FBXO34: variants seen among roughly 807,000 people sequenced by gnomAD.
The protein encoded by FBXO34 is F-box protein 34, also known as F-box only protein 34.
FBXO34 carries 12 observed loss-of-function variants against 24.5 expected under a neutral mutation model. The ratio of observed to expected loss-of-function variants is 0.49; its 90% confidence interval spans 0.31 to 0.79. The LOEUF is 0.79. Ranked by LOEUF, FBXO34 falls within the 30% of genes least tolerant of loss-of-function variation. FBXO34 has a pLI of 0.04. For missense variants in FBXO34, 823 were observed against 857.7 expected, an observed-to-expected ratio of 0.96 and a Z score of 0.51; for synonymous variants, 320 against 311.9, an observed-to-expected ratio of 1.03 and a Z score of -0.27.
the FBXO34 span, chr14:55,381,864 C>G: frequency 1.0e-6 from 1 of 971,890 alleles, no homozygotes; most frequent in South Asian, 1.5e-5. Context: ...GTACTAAATG[C>G]CCCTGAATGG....
At chr14:55,304,366 GA>G (rs1882466687) in intron 1 of FBXO34, among the ~76,000 whole-genome samples, 1 of 151,760 alleles carries the variant, frequency 6.6e-6, no homozygotes, top group Non-Finnish European at 1.5e-5. Flanking sequence ...TAATTTTTAA[GA>G]TTTTTTTGTA....
chr14:55,331,560 T>TAC (rs1555338486), intron 1 of FBXO34, among the ~76,000 whole-genome samples: 8,355 of 142,634 alleles, frequency 0.059, 323 homozygotes, highest in South Asian at 0.09. Context: ...TATATATATA[T>TAC]ACACACACAC....
chr14:55,388,997 G>A, the FBXO34 span, among the ~76,000 whole-genome samples: 3 of 152,170 alleles, frequency 2.0e-5, no homozygotes, highest in East Asian at 3.9e-4. Context: ...GTTCAAGCAT[G>A]TGATCATTTT....
At chr14:55,331,853 C>T in intron 1 of FBXO34, among the ~76,000 whole-genome samples, 1 of 35,998 alleles carries the variant, frequency 2.8e-5, no homozygotes, top group Non-Finnish European at 4.8e-5. Flanking sequence ...ATATATACAC[C>T]ACCGGGGTGT....
At chr14:55,377,970 C>T in the FBXO34 span, 1 of 1,600,590 alleles carries the variant, frequency 6.2e-7, no homozygotes, top group South Asian at 1.1e-5. Context: ...TAGTTCACAA[C>T]CTATTTTTCA....
intron 1 of FBXO34, among the ~76,000 whole-genome samples, chr14:55,329,153 T>TTTCTTTTTTTTTTTTTTTTTGAGACGG (rs1555338353): frequency 6.7e-6 from 1 of 149,632 alleles, no homozygotes; most frequent in African/African-American, 2.4e-5. Context: ...GGTTTATTTC[T>TTTCTTTTTTTTTTTTTTTTTGAGACGG]AAAATTCATG....
At chr14:55,365,375 T>C (rs1261397261), downstream of FBXO34, among the ~76,000 whole-genome samples, 1 of 151,970 alleles carries the variant, frequency 6.6e-6, no homozygotes, top group Non-Finnish European at 1.5e-5. Context: ...CTAAAAAAAA[T>C]TCACTTCAAC....
chr14:55,375,727 T>C, the FBXO34 span, among the ~76,000 whole-genome samples: 1 of 152,098 alleles, frequency 6.6e-6, no homozygotes, highest in African/African-American at 2.4e-5. Flanking sequence ...CCAACTTAGT[T>C]TCTTTCTTTC....
the FBXO34 span, among the ~76,000 whole-genome samples, chr14:55,402,966 TATAA>T: frequency 1.3e-3 from 76 of 59,078 alleles, 2 homozygotes; most frequent in South Asian, 2.0e-3. Context: ...TATATATATA[TATAA>T]ATAGCTGGGC....
At chr14:55,313,987 C>T (rs1882841834) in intron 1 of FBXO34, among the ~76,000 whole-genome samples, 1 of 152,188 alleles carries the variant, frequency 6.6e-6, no homozygotes, top group South Asian at 2.1e-4. Context: ...ACTGCAGCCT[C>T]AACCTTCCTG....
intron 1 of FBXO34, chr14:55,282,409 C>A (rs1016269359): frequency 3.9e-5 from 13 of 334,684 alleles, no homozygotes; most frequent in Non-Finnish European, 7.9e-5. Flanking sequence ...CACATTGGAC[C>A]ACGATAGGCC....
At chr14:55,280,747 C>CA (rs2139643366) in intron 1 of FBXO34, among the ~76,000 whole-genome samples, 1 of 152,000 alleles carries the variant, frequency 6.6e-6, no homozygotes, top group African/African-American at 2.4e-5. Context: ...AGGATGGTCT[C>CA]GATCTCCTGA....
intron 1 of FBXO34, among the ~76,000 whole-genome samples, chr14:55,306,494 A>G (rs1399779715): frequency 1.3e-5 from 2 of 152,256 alleles, no homozygotes; most frequent in African/African-American, 4.8e-5. Flanking sequence ...ATTTTAAGTT[A>G]ACAAATTATA....
chr14:55,276,497 C>G, intron 1 of FBXO34, among the ~76,000 whole-genome samples: 1 of 151,940 alleles, frequency 6.6e-6, no homozygotes, highest in East Asian at 1.9e-4. Context: ...TTTGTTGTGC[C>G]TGAGCGAGTT....
chr14:55,425,287 G>A, the FBXO34 span, among the ~76,000 whole-genome samples: 1 of 152,116 alleles, frequency 6.6e-6, no homozygotes, highest in Non-Finnish European at 1.5e-5. Flanking sequence ...CCCAACACTG[G>A]GGAGACCATG....
intron 1 of FBXO34, among the ~76,000 whole-genome samples, chr14:55,340,425 G>T (rs540558349): frequency 1.1e-3 from 167 of 151,126 alleles, no homozygotes; most frequent in African/African-American, 3.8e-3. Flanking sequence ...TTGAATGGGG[G>T]TGGTACATAG....
chr14:55,322,222 A>G (rs1427720792), intron 1 of FBXO34, among the ~76,000 whole-genome samples: 2 of 151,192 alleles, frequency 1.3e-5, no homozygotes, highest in East Asian at 2.0e-4. Flanking sequence ...AGGCAAGAGA[A>G]TGGCGTGAAC....
At chr14:55,325,877 C>T (rs142451553) in intron 1 of FBXO34, 1 of 152,350 alleles carries the variant, frequency 6.6e-6, no homozygotes, top group East Asian at 1.9e-4. Flanking sequence ...CTCCTCCCAC[C>T]TCGTTTCTCA....
intron 1 of FBXO34, among the ~76,000 whole-genome samples, chr14:55,302,516 C>T (rs994712151): frequency 7.4e-6 from 1 of 135,194 alleles, no homozygotes; most frequent in South Asian, 2.4e-4. Context: ...GTGTGGAACA[C>T]CTGGCCTCAG....
Sources: gnomAD v4.1 joint callset for allele counts (sites outside exome capture counted in the v4.1 genomes callset) on GRCh38, gnomAD v4.1.1 for gene constraint, MANE v1.5 for transcripts, NCBI Gene and HGNC (gene_info 2026-07-23, HGNC 2026-07-21) for gene names.